The following HFM1 variants were observed in gnomAD, a reference collection of about 807,000 sequenced individuals.
HFM1 encodes helicase for meiosis 1, also known as probable ATP-dependent DNA helicase HFM1.
HFM1 carries 169 observed loss-of-function variants against 192.1 expected under a neutral mutation model. That is an observed-to-expected ratio of 0.88 (90% CI 0.78 to 1.00). HFM1 has a LOEUF of 1.00. Ranked by LOEUF, HFM1 falls within the 50% of genes least tolerant of loss-of-function variation. HFM1 has a pLI of 0.00. For missense variants in HFM1, 1,661 were observed against 1,668.0 expected (o/e 1.00, Z 0.07); for synonymous variants, 525 against 537.8 (o/e 0.98, Z 0.33).
intron 30 of HFM1, among the ~76,000 whole-genome samples, chr1:91,297,819 G>A (rs931502245): frequency 6.6e-6 from 1 of 152,222 alleles, no homozygotes; most frequent in African/African-American, 2.4e-5. Context: ...ACCAAAGGTA[G>A]ATAAGACCAC....
chr1:91,375,314 C>T lies in HFM1; in HGVS notation c.1685+44G>A, dbSNP rs771068348. On this transcript the variant is annotated intron_variant, in intron 13 of 38. Coordinates refer to ENST00000370425, the MANE Select transcript of HFM1 (RefSeq NM_001017975.6). ...AATTTTCTCATGTCATCTAGATGAG[C>T]CCTAAAAGTCCTTCTACTTCCATGA... 20 of 1,383,402 alleles carry T rather than the reference C, an allele frequency of 1.4e-5. 1 individual carries two copies. In the East Asian group the frequency reaches 2.5e-4, roughly 17 times the overall value. 85.7% of individuals were successfully genotyped at this position (1,383,402 alleles called of 1,614,324 possible). A position where few individuals can be genotyped will look rare whatever the true frequency, so the allele number is the denominator to read the frequency against.
At chr1:91,384,282 A>G (rs954406592) in intron 6 of HFM1, among the ~76,000 whole-genome samples, 2 of 152,184 alleles carry the variant, frequency 1.3e-5, no homozygotes, top group African/African-American at 2.4e-5. Context: ...CAAAGAGTTC[A>G]TAGATCATGG....
At chr1:91,346,527 T>G (rs1461920213) in intron 19 of HFM1, among the ~76,000 whole-genome samples, 1 of 152,214 alleles carries the variant, frequency 6.6e-6, no homozygotes, top group Non-Finnish European at 1.5e-5. Context: ...TATCTCTGCA[T>G]TTTTATTTGC....
chr1:91,355,187 G>T (rs1314087045), intron 13 of HFM1, among the ~76,000 whole-genome samples: 1 of 152,014 alleles, frequency 6.6e-6, no homozygotes, highest in East Asian at 1.9e-4. Context: ...AAGCCTTGTG[G>T]TAACTGCAAA....
At chr1:91,303,938 T>C (rs1326725317) in intron 30 of HFM1, among the ~76,000 whole-genome samples, 1 of 152,118 alleles carries the variant, frequency 6.6e-6, no homozygotes, top group African/African-American at 2.4e-5. Context: ...CTCTACCTCC[T>C]GAGTTCAAGC....
At chr1:91,329,144 C>G in intron 20 of HFM1, 1 of 1,609,500 alleles carries the variant, frequency 6.2e-7, no homozygotes, top group Non-Finnish European at 8.5e-7. Flanking sequence ...ACAAGAGCAT[C>G]GAGGAGATCG....
At chr1:91,328,419 G>A (rs763956758) in intron 20 of HFM1, 1 of 1,603,022 alleles carries the variant, frequency 6.2e-7, no homozygotes, top group East Asian at 2.2e-5. Context: ...TTGCTGATGT[G>A]GCCCCCAGTG....
intron 5 of HFM1, 66 bp from the exon 6 acceptor site, chr1:91,385,300 C>T (rs1662066210): frequency 2.1e-6 from 2 of 961,592 alleles, no homozygotes; most frequent in South Asian, 2.9e-5. Flanking sequence ...AAGCTAGGAC[C>T]TGAAATGAAT....
intron 6 of HFM1, among the ~76,000 whole-genome samples, chr1:91,382,031 T>C (rs796873020): frequency 1.4e-4 from 22 of 152,086 alleles, no homozygotes; most frequent in African/African-American, 4.8e-4. Context: ...TCTGACATCA[T>C]GTCCTACTAC....
At chr1:91,403,331 T>G (rs1467028579) in intron 1 of HFM1, among the ~76,000 whole-genome samples, 1 of 152,164 alleles carries the variant, frequency 6.6e-6, no homozygotes, top group East Asian at 1.9e-4. Flanking sequence ...TTTCTGTTAA[T>G]TTAGAAACTT....
At chr1:91,270,141 G>C (rs1389741197) in intron 34 of HFM1, among the ~76,000 whole-genome samples, 2 of 152,176 alleles carry the variant, frequency 1.3e-5, no homozygotes, top group African/African-American at 4.8e-5. Context: ...AGAAAAGTAA[G>C]TTATTGCAGT....
intron 30 of HFM1, among the ~76,000 whole-genome samples, chr1:91,289,644 G>A (rs1431663067): frequency 1.3e-5 from 2 of 152,146 alleles, no homozygotes; most frequent in South Asian, 2.1e-4. Context: ...CAGAACACTC[G>A]CAGTCAGGAG....
chr1:91,351,769 C>T, intron 16 of HFM1, 126 bp from the exon 17 acceptor site: 1 of 430,394 alleles, frequency 2.3e-6, no homozygotes, highest in Admixed American at 4.0e-5. Context: ...TTCAAAAAGG[C>T]CTTAAAAATG....
chr1:91,311,055 A>G (rs906254326), intron 30 of HFM1, among the ~76,000 whole-genome samples: 1 of 152,196 alleles, frequency 6.6e-6, no homozygotes, highest in Non-Finnish European at 1.5e-5. Context: ...GGAACTTCCT[A>G]GAGAATTGTG....
chr1:91,311,908 G>A (rs1308956729), intron 30 of HFM1, among the ~76,000 whole-genome samples: 2 of 152,146 alleles, frequency 1.3e-5, no homozygotes, highest in Admixed American at 1.3e-4. Flanking sequence ...GGTGTCCTAT[G>A]TCCCAGCTGC....
intron 20 of HFM1, among the ~76,000 whole-genome samples, chr1:91,333,527 A>G (rs1200430978): frequency 6.6e-6 from 1 of 152,156 alleles, no homozygotes; most frequent in Non-Finnish European, 1.5e-5. Context: ...AAAAACAGAA[A>G]GAATGAATAA....
At chr1:91,363,479 T>G (rs1336389858) in intron 13 of HFM1, among the ~76,000 whole-genome samples, 2 of 147,900 alleles carry the variant, frequency 1.4e-5, no homozygotes, top group African/African-American at 5.0e-5. Context: ...AAAACCACAA[T>G]GAGATACCAT....
rs560084908 is a variant in HFM1 at position 91,360,398 on chromosome 1, AG to A, written c.1686-7100del. On this transcript the variant is annotated intron_variant, in intron 13 of 38. Coordinates refer to ENST00000370425, the MANE Select transcript of HFM1 (RefSeq NM_001017975.6). ...AGAAAAAAGCAAGGGTTGCAATCCT[AG>A]TTTCTGACAAAATAGACTTTAAACC... Among the ~76,000 whole-genome samples the A allele has an allele frequency of 5.2e-3, 798 of 152,346 alleles. 2 individuals carry two copies. The highest frequency in any genetic ancestry group is 7.7e-3 in the Non-Finnish European group (526 of 68,024).
chr1:91,372,724 T>TA (rs1660393748), intron 13 of HFM1, among the ~76,000 whole-genome samples: 1 of 152,094 alleles, frequency 6.6e-6, no homozygotes, highest in African/African-American at 2.4e-5. Flanking sequence ...CCCTAAAACT[T>TA]AAAGTATAAT....
Sources: gnomAD v4.1 joint callset for allele counts (sites outside exome capture counted in the v4.1 genomes callset) on GRCh38, gnomAD v4.1.1 for gene constraint, MANE v1.5 for transcripts, NCBI Gene and HGNC (gene_info 2026-07-23, HGNC 2026-07-21) for gene names.